The following PRKACB variants were observed in gnomAD, a reference collection of about 807,000 sequenced individuals.
The protein encoded by PRKACB is protein kinase cAMP-activated catalytic subunit beta.
A neutral mutation model predicts 51.4 loss-of-function variants in PRKACB; 16 were observed. The ratio of observed to expected loss-of-function variants is 0.31; its 90% CI spans 0.21 to 0.47. The LOEUF is 0.47. Ranked by LOEUF, PRKACB falls within the 20% of genes least tolerant of loss-of-function variation. PRKACB has a pLI of 1.00. For synonymous variants in PRKACB, 147 were observed against 154.4 expected (o/e 0.95, Z 0.35); for missense variants, 309 against 464.5 (o/e 0.67, Z 3.08).
At chr1:84,118,129 G>C (rs1571649162) in intron 1 of PRKACB, among the ~76,000 whole-genome samples, 2 of 152,260 alleles carry the variant, frequency 1.3e-5, no homozygotes, top group East Asian at 3.9e-4. Flanking sequence ...GTCCATGGTA[G>C]AGATGTGAAC....
Position 84,179,319 on chromosome 1 carries a change from T to G in PRKACB, c.249+81T>G. On this transcript the variant is annotated intron_variant, in intron 2 of 9. Coordinates refer to ENST00000370685, the MANE Select transcript of PRKACB (RefSeq NM_182948.4). ...ATTCTTGCCTAAGAAATTTATTACT[T>G]TAGAAATTTTAATTTTCATGTGGTG... 2.1e-6 allele frequency: 3 copies of G among 1,406,148 alleles called. No homozygotes were observed. In the Admixed American group the frequency reaches 8.0e-5, roughly 38 times the overall value. 87.1% of individuals were successfully genotyped at this position (1,406,148 alleles called of 1,614,324 possible).
intron 1 of PRKACB, among the ~76,000 whole-genome samples, chr1:84,169,398 G>A (rs755233347): frequency 2.6e-5 from 4 of 151,560 alleles, no homozygotes; most frequent in Non-Finnish European, 5.9e-5. Context: ...GAAGCATAAT[G>A]TTGTGATAGG....
chr1:84,195,221 A>G (rs774899162), intron 5 of PRKACB, among the ~76,000 whole-genome samples: 9 of 152,218 alleles, frequency 5.9e-5, no homozygotes, highest in African/African-American at 9.6e-5. Flanking sequence ...GTGGATTGAC[A>G]GTGTTGGGAT....
chr1:84,105,151 T>C (rs1488644797), intron 1 of PRKACB, among the ~76,000 whole-genome samples: 2 of 152,204 alleles, frequency 1.3e-5, no homozygotes, highest in African/African-American at 4.8e-5. Flanking sequence ...AAATAACCAA[T>C]GTAGTCCTCA....
chr1:84,187,564 A>G (rs1380780804), intron 5 of PRKACB, among the ~76,000 whole-genome samples: 4 of 152,102 alleles, frequency 2.6e-5, no homozygotes, highest in Non-Finnish European at 5.9e-5. Flanking sequence ...CTTAAAATTT[A>G]TATAGTTTCA....
intron 1 of PRKACB, among the ~76,000 whole-genome samples, chr1:84,166,292 T>C (rs1200098536): frequency 3.3e-5 from 5 of 151,846 alleles, no homozygotes; most frequent in South Asian, 2.1e-4. Flanking sequence ...TGAATATACC[T>C]GGTTGTCATA....
At chr1:84,122,951 T>TTTTA (rs1289643253) in intron 1 of PRKACB, among the ~76,000 whole-genome samples, 1 of 152,202 alleles carries the variant, frequency 6.6e-6, no homozygotes, top group Admixed American at 6.6e-5. Flanking sequence ...AAGATTTTTC[T>TTTTA]GGTATGTATG....
At chr1:84,102,047 A>G (rs1037790765) in intron 1 of PRKACB, among the ~76,000 whole-genome samples, 1 of 152,070 alleles carries the variant, frequency 6.6e-6, no homozygotes, top group African/African-American at 2.4e-5. Flanking sequence ...ACCTCAGATA[A>G]TTTAAAGTGA....
At chr1:84,213,233 A>G (rs1209101404) in intron 8 of PRKACB, among the ~76,000 whole-genome samples, 1 of 152,192 alleles carries the variant, frequency 6.6e-6, no homozygotes, top group Non-Finnish European at 1.5e-5. Flanking sequence ...CAAGCTGGAA[A>G]GGATAGTGGA....
At chr1:84,198,770 A>C (rs140696129) in intron 7 of PRKACB, among the ~76,000 whole-genome samples, 1,702 of 150,824 alleles carry the variant, frequency 0.011, 41 homozygotes, top group African/African-American at 0.039. Flanking sequence ...CCAAAAAAAA[A>C]CCTATATGTA....
intron 9 of PRKACB, among the ~76,000 whole-genome samples, chr1:84,214,900 T>C (rs1358625738): frequency 6.6e-6 from 1 of 152,216 alleles, no homozygotes; most frequent in Non-Finnish European, 1.5e-5. Context: ...CACAAAACTG[T>C]GGAAATTATA....
At chr1:84,231,861 C>T (rs868801661) in intron 9 of PRKACB, among the ~76,000 whole-genome samples, 34 of 151,770 alleles carry the variant, frequency 2.2e-4, no homozygotes, top group African/African-American at 7.7e-4. Flanking sequence ...TTGATCCTTT[C>T]AAAAAACCAG....
chr1:84,138,556 G>A (rs1301811516), intron 1 of PRKACB, among the ~76,000 whole-genome samples: 1 of 151,776 alleles, frequency 6.6e-6, no homozygotes, highest in Admixed American at 6.6e-5. Context: ...AAACAAAAAC[G>A]AAAAACAAAA....
chr1:84,118,493 A>G (rs1650807129), intron 1 of PRKACB, among the ~76,000 whole-genome samples: 1 of 152,176 alleles, frequency 6.6e-6, no homozygotes. Flanking sequence ...CAAATATTCC[A>G]AAATATCAAT....
At chr1:84,172,189 T>C (rs1659733821) in intron 1 of PRKACB, among the ~76,000 whole-genome samples, 1 of 151,708 alleles carries the variant, frequency 6.6e-6, no homozygotes. Context: ...GTTGATACTG[T>C]GCATTCCTTA....
At chr1:84,086,317 C>A in intron 1 of PRKACB, 1 of 847,520 alleles carries the variant, frequency 1.2e-6, no homozygotes, top group Non-Finnish European at 1.9e-6. Context: ...TCCTGTCTGG[C>A]CCCTGGGGCC....
chr1:84,080,378 C>T (rs1012026339), intron 1 of PRKACB, among the ~76,000 whole-genome samples: 4 of 152,010 alleles, frequency 2.6e-5, no homozygotes, highest in African/African-American at 9.7e-5. Context: ...TGGATAAATT[C>T]TTTTCTATGT....
intron 1 of PRKACB, among the ~76,000 whole-genome samples, chr1:84,122,179 C>G (rs754138385): frequency 2.6e-5 from 4 of 152,096 alleles, no homozygotes; most frequent in Non-Finnish European, 5.9e-5. Flanking sequence ...TCAGCCTCTC[C>G]CTCTGATGTA....
At chr1:84,078,111 CG>C, upstream of PRKACB, 1 of 463,386 alleles carries the variant, frequency 2.2e-6, no homozygotes, top group Non-Finnish European at 3.6e-6. Flanking sequence ...CCGCCGCCGC[CG>C]CCGCCGCCGC....
Sources: gnomAD v4.1 joint callset for allele counts (sites outside exome capture counted in the v4.1 genomes callset) on GRCh38, gnomAD v4.1.1 for gene constraint, MANE v1.5 for transcripts, NCBI Gene and HGNC (gene_info 2026-07-23, HGNC 2026-07-21) for gene names.